The following USH2A variants were observed in gnomAD, a reference collection of about 807,000 sequenced individuals.
USH2A encodes the protein usherin.
In USH2A, 443 loss-of-function variants were observed where a neutral mutation model predicts 538.9. The observed-to-expected ratio is 0.82, with a 90% CI of 0.76 to 0.89. The LOEUF is 0.89. Ranked by LOEUF, USH2A falls within the 40% of genes least tolerant of loss-of-function variation. The pLI, the probability that USH2A is intolerant of heterozygous loss-of-function variation, is 0.00. For synonymous variants in USH2A, 2,413 were observed against 2,273.5 expected, an observed-to-expected ratio of 1.06 and a Z score of -1.75; for missense variants, 6,633 against 6,324.8, an observed-to-expected ratio of 1.05 and a Z score of -1.65.
intron 64 of USH2A, among the ~76,000 whole-genome samples, chr1:215,668,756 C>CA (rs1463084652): frequency 6.6e-6 from 1 of 152,196 alleles, no homozygotes; most frequent in African/African-American, 2.4e-5. Flanking sequence ...TGGGGCCTGG[C>CA]ATGGTGGCTC....
chr1:216,215,024 T>C (rs779389329), intron 15 of USH2A, among the ~76,000 whole-genome samples: 2 of 152,036 alleles, frequency 1.3e-5, no homozygotes, highest in Non-Finnish European at 2.9e-5. Flanking sequence ...ATGATACCAA[T>C]ATTTAAAGGA....
At chr1:216,093,914 C>T (rs899274590) in intron 22 of USH2A, among the ~76,000 whole-genome samples, 1 of 152,204 alleles carries the variant, frequency 6.6e-6, no homozygotes, top group Non-Finnish European at 1.5e-5. Flanking sequence ...CTAAACCACT[C>T]TATGACCGTA....
At chr1:216,335,957 C>T (rs2037965786) in intron 4 of USH2A, among the ~76,000 whole-genome samples, 1 of 151,354 alleles carries the variant, frequency 6.6e-6, no homozygotes, top group Non-Finnish European at 1.5e-5. Flanking sequence ...CCAAAAACAT[C>T]AAAGACATCA....
chr1:216,211,684 T>C (rs1558320332), intron 15 of USH2A, among the ~76,000 whole-genome samples: 1 of 152,214 alleles, frequency 6.6e-6, no homozygotes, highest in Admixed American at 6.5e-5. Flanking sequence ...ACAGTCTATA[T>C]GCCTATTTAG....
rs1359866860 is a variant in USH2A, at chr1:215,900,735, G to A, written c.7451+20C>T. On this transcript the variant is annotated intron_variant, in intron 39 of 71. Transcript: ENST00000307340. ...TATTGTATAACCCAGCTGATAGAAT[G>A]GACAAAGTAGAATGCTCACTCTAGA... is the stretch of plus-strand genomic sequence containing the variant. The A allele has an allele frequency of 1.2e-6, 2 of 1,613,352 alleles. No individual in the cohort carries two copies. Among genetic ancestry groups the A allele is most frequent in the Middle Eastern group, 1.7e-4 (1 of 6,048 alleles).
At chr1:215,752,879 C>G (rs1209192820) in intron 58 of USH2A, among the ~76,000 whole-genome samples, 1 of 152,126 alleles carries the variant, frequency 6.6e-6, no homozygotes, top group East Asian at 1.9e-4. Flanking sequence ...AGGCAACCTA[C>G]AGAATGGAAG....
chr1:215,683,117 G>A (rs73095798), intron 61 of USH2A, among the ~76,000 whole-genome samples: 2,126 of 151,942 alleles, frequency 0.014, 35 homozygotes, highest in African/African-American at 0.048. Context: ...CAACTCTAGA[G>A]CTCAAGTCAC....
At chr1:216,048,713 G>GTA in intron 30 of USH2A, 66 bp from the exon 31 acceptor site, 1 of 1,283,166 alleles carries the variant, frequency 7.8e-7, no homozygotes, top group Non-Finnish European at 1.1e-6. Flanking sequence ...AGCATTGTGT[G>GTA]TATATCTGTG....
intron 30 of USH2A, among the ~76,000 whole-genome samples, chr1:216,063,483 C>T (rs1205450893): frequency 2.0e-5 from 3 of 151,964 alleles, no homozygotes; most frequent in Non-Finnish European, 2.9e-5. Context: ...TCCTTGATGA[C>T]TCAATTTAGC....
intron 50 of USH2A, among the ~76,000 whole-genome samples, chr1:215,795,661 C>T (rs1426580392): frequency 6.6e-6 from 1 of 152,164 alleles, no homozygotes; most frequent in African/African-American, 2.4e-5. Flanking sequence ...TTTGCACCCT[C>T]CCTGCCACCT....
intron 40 of USH2A, among the ~76,000 whole-genome samples, chr1:215,891,128 C>T (rs998566140): frequency 2.6e-5 from 4 of 152,054 alleles, no homozygotes; most frequent in African/African-American, 9.7e-5. Flanking sequence ...GTGAAACATC[C>T]ATGATAATGA....
Position 215,674,988 on chromosome 1 carries a change from G to T in USH2A, c.12923C>A (p.Pro4308His), listed in dbSNP as rs777350801. ...YRLQRNEMLY[P>H]FSFDPVTFNY... ...GAAAGTCACAGGATCAAAGCTAAAA[G>T]GATAGAGCATTTCATTCCTTTGAAG... Residue 4308 changes from proline (P) to histidine (H), a missense_variant, in exon 63 of 72, where the codon CCT becomes CAT. Pro to His is a moderately conservative substitution (Grantham distance 77). Transcript: ENST00000307340. 6.2e-7 allele frequency: 1 copy of T among 1,614,174 alleles called. No homozygotes were observed.
rs545548685 is a variant in USH2A at position 216,291,849 on chromosome 1, T to C, written c.1840+326A>G. Among the ~76,000 whole-genome samples the C allele has an allele frequency of 1.4e-4, 22 of 152,210 alleles. No individual in the cohort carries two copies. In the East Asian group the frequency reaches 2.5e-3, roughly 17 times the overall value. ...AGGAAACTTACTTTAAGGATATGTG[T>C]TCAAAGTAAGCATTCCCGAGTTATT... On this transcript the variant is annotated intron_variant, in intron 10 of 71. Transcript: ENST00000307340.
intron 32 of USH2A, among the ~76,000 whole-genome samples, chr1:216,026,490 T>C (rs1476509267): frequency 6.6e-6 from 1 of 152,162 alleles, no homozygotes; most frequent in African/African-American, 2.4e-5. Context: ...GGTACACTTC[T>C]GTGATACAAA....
intron 30 of USH2A, among the ~76,000 whole-genome samples, chr1:216,069,808 G>A (rs972346505): frequency 6.6e-6 from 1 of 152,110 alleles, no homozygotes; most frequent in African/African-American, 2.4e-5. Flanking sequence ...TCCAAAAGAT[G>A]TCTATAAGGT....
At chr1:215,643,684 C>A (rs1327631642) in intron 67 of USH2A, among the ~76,000 whole-genome samples, 2 of 151,938 alleles carry the variant, frequency 1.3e-5, no homozygotes, top group African/African-American at 2.4e-5. Context: ...TGTCACCATA[C>A]CTGGCTATTT....
At chr1:215,730,177 A>G (rs1483943225) in intron 60 of USH2A, among the ~76,000 whole-genome samples, 1 of 152,212 alleles carries the variant, frequency 6.6e-6, no homozygotes, top group African/African-American at 2.4e-5. Context: ...TATATATCTG[A>G]TACTTCATTT....
chr1:215,862,940 T>G (rs1571758607), intron 44 of USH2A, among the ~76,000 whole-genome samples: 1 of 152,122 alleles, frequency 6.6e-6, no homozygotes, highest in African/African-American at 2.4e-5. Context: ...ATGTTGGCGG[T>G]TGTCATTTTT....
intron 21 of USH2A, among the ~76,000 whole-genome samples, chr1:216,115,261 C>T (rs2032978493): frequency 6.6e-6 from 1 of 152,104 alleles, no homozygotes; most frequent in Non-Finnish European, 1.5e-5. Context: ...CCCACCTCAG[C>T]CTCCTGAGTA....
Sources: allele counts gnomAD v4.1 joint callset (sites outside exome capture counted in the v4.1 genomes callset), GRCh38; gene constraint gnomAD v4.1.1; transcripts MANE v1.5; gene names NCBI Gene and HGNC (gene_info 2026-07-23, HGNC 2026-07-21).